Variants in HFM1 observed in about 807,000 individuals in gnomAD.
HFM1 encodes probable ATP-dependent DNA helicase HFM1.
Under a neutral mutation model 192.1 loss-of-function variants are expected in HFM1, and 169 were observed. The ratio of observed to expected loss-of-function variants is 0.88; its 90% confidence interval spans 0.78 to 1.00. The LOEUF (loss-of-function observed/expected upper bound fraction) is 1.00, where lower values mean the gene tolerates loss of function less well. HFM1 is among the 50% of genes least tolerant of loss of function. The pLI is 0.00. For synonymous variants in HFM1, 525 were observed against 537.8 expected, an observed-to-expected ratio of 0.98 and a Z score of 0.33; for missense variants, 1,661 against 1,668.0, an observed-to-expected ratio of 1.00 and a Z score of 0.07.
intron 20 of HFM1, among the ~76,000 whole-genome samples, chr1:91,337,947 C>A (rs1654816847): frequency 6.6e-6 from 1 of 152,168 alleles, no homozygotes. Flanking sequence ...AAGACCAGCA[C>A]ACTCGAAGCA....
chr1:91,390,290 GC>G lies in HFM1; in HGVS notation c.494+3802del, dbSNP rs1571217562. Among the ~76,000 whole-genome samples the G allele has an allele frequency of 2.6e-5, 4 of 152,190 alleles. No homozygotes were observed. The East Asian group carries it at 7.7e-4, about 29-fold the overall frequency. On this transcript the variant is annotated intron_variant, in intron 4 of 38. Coordinates refer to ENST00000370425, the MANE Select transcript of HFM1 (RefSeq NM_001017975.6). The stretch of plus-strand genomic sequence containing the variant: ...GTCTCTACTAAAAATACAAAAATTA[GC>G]CGGGTGTGGTGGCGCACGCCTGTAG...
At chr1:91,303,730 G>C (rs568705737) in intron 30 of HFM1, among the ~76,000 whole-genome samples, 54 of 152,328 alleles carry the variant, frequency 3.5e-4, no homozygotes, top group African/African-American at 1.2e-3. Context: ...GTATCTTACT[G>C]TGGTTTTGGT....
At chr1:91,319,904 G>A (rs1409902717) in intron 23 of HFM1, among the ~76,000 whole-genome samples, 3 of 152,184 alleles carry the variant, frequency 2.0e-5, no homozygotes, top group Admixed American at 6.5e-5. Flanking sequence ...TCTATTCAGT[G>A]TATGAAGGTC....
intron 30 of HFM1, among the ~76,000 whole-genome samples, chr1:91,305,952 G>T (rs1177824006): frequency 1.3e-5 from 2 of 152,082 alleles, no homozygotes; most frequent in African/African-American, 2.4e-5. Flanking sequence ...GAGCATTCTT[G>T]TAACATTCTC....
intron 34 of HFM1, among the ~76,000 whole-genome samples, chr1:91,268,792 G>C (rs1666004923): frequency 6.6e-6 from 1 of 151,974 alleles, no homozygotes; most frequent in Non-Finnish European, 1.5e-5. Context: ...TTTATCTGTA[G>C]TCAACCTATG....
chr1:91,373,863 A>C (rs1457493254), intron 13 of HFM1, among the ~76,000 whole-genome samples: 1 of 152,072 alleles, frequency 6.6e-6, no homozygotes, highest in Non-Finnish European at 1.5e-5. Context: ...AGAATGACCT[A>C]ATACACCTGC....
intron 25 of HFM1, 95 bp downstream of exon 25, chr1:91,318,983 G>C (rs1344180529): frequency 1.6e-6 from 2 of 1,225,480 alleles, no homozygotes; most frequent in Admixed American, 2.4e-5. Flanking sequence ...TACCTTCCTT[G>C]AAGGTCTGTA....
At position 91,375,380 on chromosome 1, in the gene HFM1, T is replaced by C. The variant is rs751993272; in HGVS notation, c.1663A>G (p.Met555Val). The C allele has an allele frequency of 1.2e-6, 2 of 1,612,356 alleles. No individual in the cohort carries two copies. The highest frequency in any genetic ancestry group is 1.3e-5 in the African/African-American group (1 of 74,976). The change falls in exon 13 of 39, where the codon ATG becomes GTG. Residue 555 changes from methionine (M) to valine (V), a missense_variant. By Grantham distance (21) the Met-to-Val change is conservative. Transcript: ENST00000370425. ...TACCTCTGTTTCTGTTCCACAGTCA[T>C]AATAAATTTAGCATCTTTCACAAGA... ...SVLVKDAKFI[M>V]TVEQKQRLQK...
chr1:91,317,472 C>G (rs1184726975), intron 25 of HFM1, among the ~76,000 whole-genome samples: 1 of 152,092 alleles, frequency 6.6e-6, no homozygotes, highest in African/African-American at 2.4e-5. Context: ...TGGATCTTTC[C>G]TATTTCCTTA....
intron 19 of HFM1, among the ~76,000 whole-genome samples, chr1:91,345,629 ACT>A (rs1177688286): frequency 6.6e-6 from 1 of 152,162 alleles, no homozygotes; most frequent in East Asian, 1.9e-4. Context: ...GGCATTTCGA[ACT>A]CAATAAGACT....
At chr1:91,278,469 A>G (rs1667158760) in intron 30 of HFM1, among the ~76,000 whole-genome samples, 1 of 152,190 alleles carries the variant, frequency 6.6e-6, no homozygotes, top group South Asian at 2.1e-4. Context: ...ACCCAAAAGC[A>G]GCAAATCACC....
chr1:91,273,130 G>A (rs888647647), intron 34 of HFM1, among the ~76,000 whole-genome samples: 3 of 151,890 alleles, frequency 2.0e-5, no homozygotes, highest in Non-Finnish European at 4.4e-5. Flanking sequence ...TTTAATGACG[G>A]ACACAGATAA....
intron 2 of HFM1, 95 bp downstream of exon 2, chr1:91,400,917 A>G (rs1664239011): frequency 3.6e-6 from 2 of 559,708 alleles, no homozygotes; most frequent in Non-Finnish European, 6.3e-6. Context: ...CCTCATTTTT[A>G]TTTGTATATT....
Position 91,266,140 on chromosome 1 carries a change from GC to G in HFM1, c.3884-34del, listed in dbSNP as rs1665749541. ...AAGAGATAACATTTTGAAACAAAAT[GC>G]CAAGAAACAGCTGAATGAAGCTTTT... On this transcript the variant is annotated intron_variant, in intron 35 of 38. Coordinates refer to ENST00000370425, the MANE Select transcript of HFM1 (RefSeq NM_001017975.6). The G allele has an allele frequency of 9.6e-6, 15 of 1,566,744 alleles. No homozygotes were observed. In the East Asian group the frequency reaches 3.3e-4, roughly 34 times the overall value.
intron 30 of HFM1, among the ~76,000 whole-genome samples, chr1:91,308,517 T>A (rs1649971669): frequency 6.6e-6 from 1 of 152,180 alleles, no homozygotes; most frequent in Admixed American, 6.5e-5. Context: ...TTTAAAATAT[T>A]CATAATTATT....
rs76270135 is a variant in HFM1 at position 91,277,391 on chromosome 1, A to C, written c.3392-329T>G. Among the ~76,000 whole-genome samples, 237 of 150,804 alleles carry C rather than the reference A, an allele frequency of 1.6e-3. 3 individuals carry two copies. The East Asian group carries it at 0.023, about 15-fold the overall frequency. ...CTTACCACCATGCCTGGTAATTTTTAAAACATATTTTTGATAAGTTACTCC... is the reference window on the plus strand; with the variant it reads ...CTTACCACCATGCCTGGTAATTTTTCAAACATATTTTTGATAAGTTACTCC... On this transcript the variant is annotated intron_variant, in intron 30 of 38. Transcript: ENST00000370425.
chr1:91,328,155 C>A (rs1390425310), intron 20 of HFM1, among the ~76,000 whole-genome samples: 5 of 152,196 alleles, frequency 3.3e-5, no homozygotes, highest in Non-Finnish European at 1.5e-5. Context: ...GAAAACAATA[C>A]AAAAGACCAA....
intron 30 of HFM1, among the ~76,000 whole-genome samples, chr1:91,304,684 G>A (rs1056053640): frequency 6.8e-6 from 1 of 147,534 alleles, no homozygotes; most frequent in African/African-American, 2.5e-5. Context: ...TCACTATGTT[G>A]GCCAAGCTGG....
intron 2 of HFM1, among the ~76,000 whole-genome samples, chr1:91,397,948 CCT>C (rs1426315904): frequency 9.2e-5 from 14 of 152,314 alleles, no homozygotes; most frequent in Non-Finnish European, 2.9e-5. Context: ...ATAAGCATCC[CCT>C]GTCTGGCACA....
Sources: gnomAD v4.1 joint callset for allele counts (sites outside exome capture counted in the v4.1 genomes callset) on GRCh38, gnomAD v4.1.1 for gene constraint, MANE v1.5 for transcripts, NCBI Gene and HGNC (gene_info 2026-07-23, HGNC 2026-07-21) for gene names.